GOPC: variants seen among roughly 807,000 people sequenced by gnomAD.
The protein encoded by GOPC is Golgi-associated PDZ and coiled-coil motif-containing protein.
In GOPC, 32 loss-of-function variants were observed where a neutral mutation model predicts 51.2. That is an observed-to-expected ratio of 0.63 (90% CI 0.47 to 0.84). The LOEUF (loss-of-function observed/expected upper bound fraction) is 0.84. Among genes scored for constraint, GOPC ranks in the 40% least tolerant of loss-of-function variants. The pLI, the probability that GOPC is intolerant of heterozygous loss-of-function variation, is 0.00. For missense variants in GOPC, 441 were observed against 555.5 expected (o/e 0.79, Z 2.07); for synonymous variants, 190 against 205.1 (o/e 0.93, Z 0.63).
chr6:117,594,317 C>T (rs1780161640), intron 1 of GOPC, among the ~76,000 whole-genome samples: 2 of 152,186 alleles, frequency 1.3e-5, no homozygotes, highest in South Asian at 4.1e-4. Context: ...TTTCTCTTAG[C>T]TTAATTCATT....
intron 8 of GOPC, among the ~76,000 whole-genome samples, chr6:117,566,471 T>A (rs1779699298): frequency 6.6e-6 from 1 of 152,194 alleles, no homozygotes; most frequent in African/African-American, 2.4e-5. Context: ...TCATACTTAT[T>A]CATAATTAGC....
chr6:117,595,654 A>T (rs898438180), intron 1 of GOPC, among the ~76,000 whole-genome samples: 6 of 151,452 alleles, frequency 4.0e-5, no homozygotes, highest in Admixed American at 3.3e-4. Context: ...TTTGTTTTCC[A>T]CTCCTGAGTT....
intron 1 of GOPC, among the ~76,000 whole-genome samples, chr6:117,592,938 C>T (rs1780139650): frequency 6.6e-6 from 1 of 152,172 alleles, no homozygotes; most frequent in Admixed American, 6.5e-5. Flanking sequence ...ACCACTTTCA[C>T]TTCAATAACA....
At chr6:117,578,774 T>C (rs1354485327) in intron 2 of GOPC, 126 bp downstream of exon 2, 1 of 507,656 alleles carries the variant, frequency 2.0e-6, no homozygotes, top group African/African-American at 2.0e-5. Context: ...AAACTTTATA[T>C]TTCTTATATT....
At chr6:117,567,074 A>T (rs1229659458) in intron 7 of GOPC, 40 bp from the exon 8 acceptor site, 1 of 1,451,372 alleles carries the variant, frequency 6.9e-7, no homozygotes, top group East Asian at 2.4e-5. Flanking sequence ...AAGTTATTGT[A>T]ATTGTAATTT....
rs771845786 is a variant in GOPC, at chr6:117,567,022, C to T, written c.1090G>A (p.Glu364Lys). The T allele has an allele frequency of 6.3e-7, 1 of 1,583,920 alleles. No individual in the cohort carries two copies. Among genetic ancestry groups the T allele is most frequent in the Non-Finnish European group, 8.5e-7 (1 of 1,170,060 alleles). Residue 364 changes from glutamate to lysine, a missense_variant, in exon 8 of 9, where the codon GAA becomes AAA. Transcript: ENST00000368498. ...TILSQQRGEI[E>K]FEVVYVAPEV... is the part of the protein sequence containing the mutation. ...GGAGCCACATAAACTACTTCAAATT[C>T]AATCTCTCCTCTCTAAAACAGGAAA...
intron 1 of GOPC, among the ~76,000 whole-genome samples, chr6:117,584,611 G>C (rs1454263465): frequency 6.6e-6 from 1 of 152,006 alleles, no homozygotes; most frequent in Non-Finnish European, 1.5e-5. Context: ...ACTTCCATGT[G>C]TTCATCTATC....
intron 6 of GOPC, 42 bp from the exon 7 acceptor site, chr6:117,569,778 AG>A: frequency 6.6e-7 from 1 of 1,525,858 alleles, no homozygotes; most frequent in Non-Finnish European, 8.8e-7. Context: ...ACTCTTTGTA[AG>A]GTACAGTTAC....
At chr6:117,564,082 A>G (rs1287809936) in intron 8 of GOPC, among the ~76,000 whole-genome samples, 1 of 151,718 alleles carries the variant, frequency 6.6e-6, no homozygotes, top group Admixed American at 6.6e-5. Flanking sequence ...GGCTCAAGCA[A>G]TCCTTCCACC....
At chr6:117,597,837 A>G (rs545674764) in intron 1 of GOPC, among the ~76,000 whole-genome samples, 3 of 152,258 alleles carry the variant, frequency 2.0e-5, no homozygotes, top group African/African-American at 7.2e-5. Flanking sequence ...GTTTATTGCA[A>G]CACTATTCAC....
At chr6:117,584,848 G>A (rs530899598) in intron 1 of GOPC, among the ~76,000 whole-genome samples, 53 of 151,474 alleles carry the variant, frequency 3.5e-4, no homozygotes, top group African/African-American at 1.2e-3. Context: ...GTTCATACGA[G>A]ATCTGGTTGT....
chr6:117,589,192 G>T (rs9320611), intron 1 of GOPC, among the ~76,000 whole-genome samples: 1 of 152,136 alleles, frequency 6.6e-6, no homozygotes, highest in Non-Finnish European at 1.5e-5. Flanking sequence ...TAGAGTAAGA[G>T]GAAAGAATGG....
intron 8 of GOPC, 81 bp from the exon 9 acceptor site, chr6:117,563,465 T>A: frequency 7.3e-7 from 1 of 1,373,726 alleles, no homozygotes; most frequent in Non-Finnish European, 1.0e-6. Context: ...CTCATACCTG[T>A]AATCCCAGCA....
intron 1 of GOPC, among the ~76,000 whole-genome samples, chr6:117,597,283 T>C (rs893034458): frequency 6.6e-6 from 1 of 152,190 alleles, no homozygotes; most frequent in Admixed American, 6.5e-5. Context: ...AGGAGCTTTA[T>C]GGATGAATCC....
At chr6:117,566,424 G>T (rs575376728) in intron 8 of GOPC, among the ~76,000 whole-genome samples, 2 of 152,164 alleles carry the variant, frequency 1.3e-5, no homozygotes, top group South Asian at 4.1e-4. Context: ...GATAATATAA[G>T]TTGATTCTAA....
intron 1 of GOPC, among the ~76,000 whole-genome samples, chr6:117,594,633 T>C (rs1780166639): frequency 6.6e-6 from 1 of 152,178 alleles, no homozygotes; most frequent in African/African-American, 2.4e-5. Context: ...AGCTTCAATG[T>C]TGCAAAACAG....
chr6:117,583,626 G>A (rs1009276525), intron 1 of GOPC, among the ~76,000 whole-genome samples: 13 of 152,010 alleles, frequency 8.6e-5, no homozygotes, highest in African/African-American at 2.4e-4. Context: ...ATGTAAAGTC[G>A]TCATCGCTCT....
At chr6:117,584,612 T>A (rs1483483006) in intron 1 of GOPC, among the ~76,000 whole-genome samples, 2 of 152,106 alleles carry the variant, frequency 1.3e-5, no homozygotes, top group African/African-American at 4.8e-5. Flanking sequence ...CTTCCATGTG[T>A]TCATCTATCC....
At position 117,563,119 on chromosome 6, in the gene GOPC, G is replaced by C; in HGVS notation, c.*135C>G. ...TTTATGCATTGAGAATTGTTCACATGAAGCCCTGAGGTACCCGCCTTTCAT... is the reference window on the plus strand; with the variant it reads ...TTTATGCATTGAGAATTGTTCACATCAAGCCCTGAGGTACCCGCCTTTCAT... On this transcript the variant is annotated 3_prime_UTR_variant, in exon 9 of 9. Coordinates refer to ENST00000368498, the MANE Select transcript of GOPC (RefSeq NM_020399.4). 1.4e-6 allele frequency: 1 copy of C among 729,656 alleles called. No homozygotes were observed. The allele number at this position is 729,656 out of a possible 1,614,324, so 45.2% of individuals were successfully genotyped here. A position where few individuals can be genotyped will look rare whatever the true frequency, so the allele number is the denominator to read the frequency against.
Sources: allele counts gnomAD v4.1 joint callset (sites outside exome capture counted in the v4.1 genomes callset), GRCh38; gene constraint gnomAD v4.1.1; transcripts MANE v1.5; gene names NCBI Gene and HGNC (gene_info 2026-07-23, HGNC 2026-07-21).